The following ZNF614 variants were observed in gnomAD, a reference collection of about 807,000 sequenced individuals.
The protein encoded by ZNF614 is zinc finger protein 614.
Under a neutral mutation model 12.8 loss-of-function variants are expected in ZNF614, and 11 were observed. That is an observed-to-expected ratio of 0.86 (90% CI 0.54 to 1.43). The LOEUF is 1.43. Ranked by LOEUF, ZNF614 falls within the 40% of genes most tolerant of loss-of-function variation. The pLI is 0.00. For synonymous variants in ZNF614, 237 were observed against 237.5 expected, an observed-to-expected ratio of 1.00 and a Z score of 0.02; for missense variants, 664 against 708.8, an observed-to-expected ratio of 0.94 and a Z score of 0.72.
Position 52,016,363 on chromosome 19 carries a change from C to T in ZNF614, c.1235G>A (p.Arg412His), listed in dbSNP as rs1192118002. 8 of 1,613,114 alleles carry T rather than the reference C, an allele frequency of 5.0e-6. No homozygotes were observed. The highest frequency in any genetic ancestry group is 1.7e-5 in the Admixed American group (1 of 59,974). ...SECGKGFTVK[R>H]TLVIHQRTHT... Reference sequence around the variant, plus strand: ...AGTTCGCTGATGTATAACGAGAGTGCGTTTGACAGTGAAGCCTTTTCCACA... The same window carrying T: ...AGTTCGCTGATGTATAACGAGAGTGTGTTTGACAGTGAAGCCTTTTCCACA... Residue 412 changes from arginine (R) to histidine (H), a missense_variant, in exon 5 of 5, where the codon CGC becomes CAC. Transcript: ENST00000270649.
At position 52,016,364 on chromosome 19, in the gene ZNF614, G is replaced by A. The variant is rs774106458; in HGVS notation, c.1234C>T (p.Arg412Cys). 1.9e-5 allele frequency: 31 copies of A among 1,612,764 alleles called. No individual in the cohort carries two copies. The highest frequency in any genetic ancestry group is 2.6e-5 in the Non-Finnish European group (31 of 1,179,284). ...GTTCGCTGATGTATAACGAGAGTGCGTTTGACAGTGAAGCCTTTTCCACAT... is the reference window on the plus strand; with the variant it reads ...GTTCGCTGATGTATAACGAGAGTGCATTTGACAGTGAAGCCTTTTCCACAT... ...SECGKGFTVK[R>C]TLVIHQRTHT... Residue 412 changes from arginine to cysteine, a missense_variant, in exon 5 of 5, where the codon CGC (arginine) becomes TGC (cysteine). Arg to Cys is a radical substitution (Grantham distance 180). Coordinates refer to ENST00000270649, the MANE Select transcript of ZNF614 (RefSeq NM_025040.4).
chr19:52,024,258 G>A (rs750007145), intron 2 of ZNF614, among the ~76,000 whole-genome samples: 1 of 152,172 alleles, frequency 6.6e-6, no homozygotes, highest in Non-Finnish European at 1.5e-5. Flanking sequence ...TGAGAAGGGG[G>A]TTGTGGGGAC....
chr19:52,019,305 A>G (rs925500446), intron 2 of ZNF614, among the ~76,000 whole-genome samples: 1 of 152,218 alleles, frequency 6.6e-6, no homozygotes, highest in African/African-American at 2.4e-5. Flanking sequence ...AAATCATAAC[A>G]AAGAAGTTAA....
intron 2 of ZNF614, among the ~76,000 whole-genome samples, chr19:52,024,947 A>G (rs939481492): frequency 6.6e-6 from 1 of 152,080 alleles, no homozygotes; most frequent in Non-Finnish European, 1.5e-5. Flanking sequence ...GAAAAAGAGG[A>G]AGGCCTTTTT....
At chr19:52,026,353 C>G (rs1260234491) in intron 1 of ZNF614, among the ~76,000 whole-genome samples, 1 of 152,238 alleles carries the variant, frequency 6.6e-6, no homozygotes, top group African/African-American at 2.4e-5. Context: ...CAACCCTATG[C>G]TAGCAGAGAC....
Position 52,013,326 on chromosome 19 carries a change from GA to G in ZNF614, c.*2513del, listed in dbSNP as rs1274595557. 3.3e-6 allele frequency: 1 copy of G among 300,116 alleles called. No homozygotes were observed. Among genetic ancestry groups the G allele is most frequent in the African/African-American group, 2.3e-5 (1 of 43,290 alleles). 18.6% of individuals were successfully genotyped at this position (300,116 alleles called of 1,614,324 possible). Reference sequence around the variant, plus strand: ...AAAGCAAAAGCAAAAGCTGTATGTAGATTTCACAGCATCTTTATTTATAGCA... The same window carrying G: ...AAAGCAAAAGCAAAAGCTGTATGTAGTTTCACAGCATCTTTATTTATAGCA... On this transcript the variant is annotated 3_prime_UTR_variant, in exon 5 of 5. Transcript: ENST00000270649.
In ZNF614 at chr19:52,018,468, A is replaced by G. The variant is rs1361106177; in HGVS notation, c.42T>C (p.Ala14=). Residue 14 remains alanine, a synonymous_variant, in exon 3 of 5, where the codon GCT becomes GCC. Transcript: ENST00000270649. ...TQESLTLEDV[A]VEFSWEEWQL... ...GCCACTCCTCCCAGCTGAATTCCAC[A>G]GCCACATCCTCCAGGGTCAGTGATT... 4 of 1,614,064 alleles carry G rather than the reference A, an allele frequency of 2.5e-6. No individual in the cohort carries two copies. In the African/African-American group the frequency reaches 5.3e-5, roughly 22 times the overall value.
chr19:52,021,093 A>C (rs1216910470), intron 2 of ZNF614, among the ~76,000 whole-genome samples: 4 of 152,188 alleles, frequency 2.6e-5, no homozygotes, highest in African/African-American at 7.2e-5. Flanking sequence ...TTTGGCACAT[A>C]GGGGAGGTGC....
Position 52,015,085 on chromosome 19 carries a change from G to A in ZNF614, c.*755C>T, listed in dbSNP as rs938028796. 1.3e-5 allele frequency: 2 copies of A among 152,116 alleles called. No homozygotes were observed. The highest frequency in any genetic ancestry group is 4.8e-5 in the African/African-American group (2 of 41,410). 9.4% of individuals were successfully genotyped at this position (152,116 alleles called of 1,614,324 possible). ...AAGGCAACTAGAAATGAGGATTAAG[G>A]TATCCTGACTGAAAATGCACACCAG... On this transcript the variant is annotated 3_prime_UTR_variant, in exon 5 of 5. Transcript: ENST00000270649.
At chr19:52,018,638 A>G (rs575440628) in intron 2 of ZNF614, 144 bp from the exon 3 acceptor site, 4 of 798,370 alleles carry the variant, frequency 5.0e-6, no homozygotes, top group Admixed American at 3.1e-5. Context: ...AAAATCCTCT[A>G]TCTATACATT....
intron 2 of ZNF614, among the ~76,000 whole-genome samples, chr19:52,021,788 G>A (rs1248034447): frequency 6.6e-6 from 1 of 150,746 alleles, no homozygotes; most frequent in African/African-American, 2.4e-5. Flanking sequence ...TAAGTAAAAA[G>A]CTTTAAAAAA....
At chr19:52,017,508 C>T (rs58715071) in intron 4 of ZNF614, 149 bp from the exon 5 acceptor site, 116,629 of 677,672 alleles carry the variant, frequency 0.17, 11,886 homozygotes, top group East Asian at 0.37. Flanking sequence ...TCAAGACCAG[C>T]CTGACCAATG....
At chr19:52,019,866 A>T (rs967876262) in intron 2 of ZNF614, among the ~76,000 whole-genome samples, 1 of 152,248 alleles carries the variant, frequency 6.6e-6, no homozygotes, top group Admixed American at 6.5e-5. Flanking sequence ...GGAAATACTG[A>T]TAAGAGAATC....
At chr19:52,023,551 C>T (rs2086948656) in intron 2 of ZNF614, among the ~76,000 whole-genome samples, 2 of 152,126 alleles carry the variant, frequency 1.3e-5, no homozygotes, top group Admixed American at 1.3e-4. Flanking sequence ...CTGACACTAT[C>T]TAGAGGTCTC....
At chr19:52,022,910 C>T (rs2086941085) in intron 2 of ZNF614, among the ~76,000 whole-genome samples, 1 of 151,682 alleles carries the variant, frequency 6.6e-6, no homozygotes, top group Admixed American at 6.6e-5. Flanking sequence ...AAACCTGAAG[C>T]TTGTTCAAGA....
chr19:52,016,486 T>C lies in ZNF614; in HGVS notation c.1112A>G (p.Tyr371Cys), dbSNP rs745806132. Residue 371 changes from tyrosine (Y) to cysteine (C), a missense_variant, in exon 5 of 5, where the codon TAT becomes TGT. Coordinates refer to ENST00000270649, the MANE Select transcript of ZNF614 (RefSeq NM_025040.4). ...HQRTHTGEKP[Y>C]MCSECGKGFT... ...GCCTTTTCCACATTCACTGCACATATAGGGTTTCTCTCCAGTATGAGTTCG... is the reference window on the plus strand; with the variant it reads ...GCCTTTTCCACATTCACTGCACATACAGGGTTTCTCTCCAGTATGAGTTCG... The C allele has an allele frequency of 4.0e-5, 65 of 1,613,990 alleles. No homozygotes were observed. Among genetic ancestry groups the C allele is most frequent in the Middle Eastern group, 1.6e-4 (1 of 6,084 alleles).
chr19:52,025,841 A>G lies in ZNF614; in HGVS notation c.-96T>C, dbSNP rs1276914901. ...AGTTTTTGAAGTTTTCCTAGTCAGA[A>G]ATATTAGTGTCCACTTAAAGTTGTC... On this transcript the variant is annotated 5_prime_UTR_variant, in exon 2 of 5. Coordinates refer to ENST00000270649, the MANE Select transcript of ZNF614 (RefSeq NM_025040.4). 1.5e-6 allele frequency: 2 copies of G among 1,342,526 alleles called. No homozygotes were observed. Among genetic ancestry groups the G allele is most frequent in the African/African-American group, 2.9e-5 (2 of 68,116 alleles). 83.2% of individuals were successfully genotyped at this position (1,342,526 alleles called of 1,614,324 possible). A position where few individuals can be genotyped will look rare whatever the true frequency, so the allele number is the denominator to read the frequency against.
At chr19:52,026,996 A>G (rs1189034357) in intron 1 of ZNF614, among the ~76,000 whole-genome samples, 1 of 152,234 alleles carries the variant, frequency 6.6e-6, no homozygotes, top group Admixed American at 6.5e-5. Context: ...ATAGTGATCA[A>G]TAAATACTGA....
At chr19:52,019,638 G>A (rs948370281) in intron 2 of ZNF614, among the ~76,000 whole-genome samples, 1 of 152,136 alleles carries the variant, frequency 6.6e-6, no homozygotes, top group African/African-American at 2.4e-5. Context: ...ATAGAATCCA[G>A]AAACGTATGG....
Sources: gnomAD v4.1 joint callset for allele counts (sites outside exome capture counted in the v4.1 genomes callset) on GRCh38, gnomAD v4.1.1 for gene constraint, MANE v1.5 for transcripts, NCBI Gene and HGNC (gene_info 2026-07-23, HGNC 2026-07-21) for gene names.